GRIK2: variants seen among roughly 807,000 people sequenced by gnomAD.
GRIK2 encodes the protein glutamate receptor ionotropic, kainate 2.
Under a neutral mutation model 100.3 loss-of-function variants are expected in GRIK2, and 32 were observed. The observed-to-expected ratio is 0.32, with a 90% CI of 0.24 to 0.43. The LOEUF is 0.43. Ranked by LOEUF, GRIK2 falls within the 20% of genes least tolerant of loss-of-function variation. The pLI, the probability that GRIK2 is intolerant of heterozygous loss-of-function variation, is 1.00. For missense variants in GRIK2, 843 were observed against 1,114.9 expected (o/e 0.76, Z 3.47); for synonymous variants, 417 against 389.4 (o/e 1.07, Z -0.83).
chr6:101,543,900 C>G (rs1776116723), intron 2 of GRIK2, among the ~76,000 whole-genome samples: 1 of 152,048 alleles, frequency 6.6e-6, no homozygotes, highest in Non-Finnish European at 1.5e-5. Context: ...CAAAATATTG[C>G]TTTTAGTGAA....
At chr6:101,689,040 A>G (rs920651210) in intron 7 of GRIK2, among the ~76,000 whole-genome samples, 1 of 152,056 alleles carries the variant, frequency 6.6e-6, no homozygotes. Flanking sequence ...TATGTCTTAC[A>G]TAAGTATTCT....
At chr6:101,749,879 C>G (rs934240887) in intron 7 of GRIK2, among the ~76,000 whole-genome samples, 1 of 133,798 alleles carries the variant, frequency 7.5e-6, no homozygotes, top group African/African-American at 2.9e-5. Flanking sequence ...GTGGCTCAAT[C>G]TCGGCTCACC....
chr6:102,041,334 C>T (rs1770561308), intron 15 of GRIK2, among the ~76,000 whole-genome samples: 1 of 151,426 alleles, frequency 6.6e-6, no homozygotes, highest in Non-Finnish European at 1.5e-5. Context: ...CTTATTAGTC[C>T]AAGACCATGG....
At chr6:101,695,889 T>A (rs1029675408) in intron 7 of GRIK2, among the ~76,000 whole-genome samples, 1 of 152,200 alleles carries the variant, frequency 6.6e-6, no homozygotes, top group African/African-American at 2.4e-5. Context: ...CTAATGGAAT[T>A]TATTGAATGC....
intron 2 of GRIK2, among the ~76,000 whole-genome samples, chr6:101,482,812 C>G (rs1772603534): frequency 6.6e-6 from 1 of 152,006 alleles, no homozygotes. Context: ...GCAACACCCT[C>G]CCACGCACAT....
At chr6:101,411,014 T>C (rs1297063177) in intron 2 of GRIK2, among the ~76,000 whole-genome samples, 1 of 152,072 alleles carries the variant, frequency 6.6e-6, no homozygotes, top group African/African-American at 2.4e-5. Flanking sequence ...CTTCCCATGA[T>C]GCAGAGCGGA....
chr6:101,946,199 A>T (rs888180842), intron 14 of GRIK2, among the ~76,000 whole-genome samples: 3 of 152,082 alleles, frequency 2.0e-5, no homozygotes, highest in African/African-American at 7.2e-5. Context: ...TGGAAATAAG[A>T]CAATAATTAT....
At chr6:101,858,376 A>ATTT (rs66505184) in intron 10 of GRIK2, among the ~76,000 whole-genome samples, 3 of 125,456 alleles carry the variant, frequency 2.4e-5, no homozygotes, top group African/African-American at 3.0e-5. Flanking sequence ...CTCTCTCTCT[A>ATTT]TTTTTTTTTC....
At chr6:101,838,009 G>A (rs61203959) in intron 10 of GRIK2, among the ~76,000 whole-genome samples, 13,299 of 151,844 alleles carry the variant, frequency 0.088, 1,584 homozygotes, top group African/African-American at 0.27. Context: ...CCCAAAGCAC[G>A]TCATAAGACT....
intron 4 of GRIK2, among the ~76,000 whole-genome samples, chr6:101,629,908 G>A (rs1780644712): frequency 6.6e-6 from 1 of 151,828 alleles, no homozygotes; most frequent in African/African-American, 2.4e-5. Flanking sequence ...TTTTTTCCTA[G>A]ATTTATGTAC....
intron 2 of GRIK2, among the ~76,000 whole-genome samples, chr6:101,413,930 T>C (rs1856307): frequency 0.089 from 13,579 of 152,192 alleles, 640 homozygotes; most frequent in South Asian, 0.14. Context: ...TTGCCATTTG[T>C]TCATTTATTT....
intron 14 of GRIK2, among the ~76,000 whole-genome samples, chr6:101,984,614 A>ACACACACACAC (rs1793908585): frequency 1.5e-5 from 2 of 129,158 alleles, no homozygotes; most frequent in Non-Finnish European, 1.6e-5. Context: ...TACACATTAA[A>ACACACACACAC]ACACACACAC....
intron 14 of GRIK2, among the ~76,000 whole-genome samples, chr6:101,938,942 A>C (rs889991239): frequency 6.6e-6 from 1 of 152,004 alleles, no homozygotes; most frequent in Non-Finnish European, 1.5e-5. Context: ...AAGTGAGTTC[A>C]GTGAAAAGAT....
At chr6:101,964,314 T>C (rs1241448148) in intron 14 of GRIK2, among the ~76,000 whole-genome samples, 2 of 152,036 alleles carry the variant, frequency 1.3e-5, no homozygotes, top group Non-Finnish European at 2.9e-5. Flanking sequence ...TATATTATTG[T>C]TATCAATTGT....
intron 7 of GRIK2, among the ~76,000 whole-genome samples, chr6:101,739,120 A>G (rs182330678): frequency 7.2e-5 from 11 of 152,322 alleles, no homozygotes; most frequent in Non-Finnish European, 1.3e-4. Flanking sequence ...GTTCTTGACT[A>G]TTTACAAAAT....
chr6:101,716,001 C>T (rs1774037434), intron 7 of GRIK2, among the ~76,000 whole-genome samples: 1 of 151,772 alleles, frequency 6.6e-6, no homozygotes, highest in Non-Finnish European at 1.5e-5. Context: ...CAACCTCCTT[C>T]ATCCTATAGC....
chr6:101,472,903 A>T (rs1256805935), intron 2 of GRIK2, among the ~76,000 whole-genome samples: 1 of 151,830 alleles, frequency 6.6e-6, no homozygotes, highest in African/African-American at 2.4e-5. Flanking sequence ...ACTTCAGAAT[A>T]ATATGAAGAG....
intron 14 of GRIK2, among the ~76,000 whole-genome samples, chr6:101,966,311 G>A (rs1162157791): frequency 6.6e-6 from 1 of 152,032 alleles, no homozygotes; most frequent in African/African-American, 2.4e-5. Flanking sequence ...TAATATAAAA[G>A]ACACAAAAGT....
intron 14 of GRIK2, among the ~76,000 whole-genome samples, chr6:102,001,797 T>C (rs1374347865): frequency 2.0e-5 from 3 of 151,976 alleles, no homozygotes; most frequent in Non-Finnish European, 4.4e-5. Flanking sequence ...CAGATCAGAA[T>C]GCTTTTAAAT....
Sources: allele counts gnomAD v4.1 joint callset (sites outside exome capture counted in the v4.1 genomes callset), GRCh38; gene constraint gnomAD v4.1.1; transcripts MANE v1.5; gene names NCBI Gene and HGNC (gene_info 2026-07-23, HGNC 2026-07-21).